The following MYLK variants were observed in gnomAD, a reference collection of about 807,000 sequenced individuals.
MYLK encodes myosin light chain kinase, smooth muscle.
In MYLK, 106 loss-of-function variants were observed where a neutral mutation model predicts 203.4. The ratio of observed to expected loss-of-function variants is 0.52; its 90% CI spans 0.45 to 0.61. The LOEUF is 0.61. MYLK is among the 20% of genes least tolerant of loss of function. The probability of loss-of-function intolerance (pLI) is 0.00; values close to 1 mark genes in which losing one functional copy is unlikely to be tolerated. For missense variants in MYLK, 2,072 were observed against 2,442.3 expected, an observed-to-expected ratio of 0.85 and a Z score of 3.20; for synonymous variants, 867 against 959.5, an observed-to-expected ratio of 0.90 and a Z score of 1.78.
At chr3:123,781,490 C>T (rs1432327799) in intron 4 of MYLK, among the ~76,000 whole-genome samples, 4 of 152,196 alleles carry the variant, frequency 2.6e-5, no homozygotes, top group Admixed American at 1.3e-4. Context: ...TCCCCAAGTG[C>T]TGACAAATGG....
chr3:123,686,701 G>A (rs1560072224), intron 19 of MYLK, among the ~76,000 whole-genome samples: 6 of 152,176 alleles, frequency 3.9e-5, no homozygotes, highest in South Asian at 2.1e-4. Flanking sequence ...AAGGAAAACC[G>A]AAATAACATC....
At chr3:123,653,985 G>GC (rs2059304410) in intron 24 of MYLK, among the ~76,000 whole-genome samples, 4 of 85,374 alleles carry the variant, frequency 4.7e-5, no homozygotes, top group African/African-American at 1.4e-4. Context: ...TCAGAGGGAT[G>GC]TTGTGTGTGT....
chr3:123,779,045 C>T (rs2064187476), intron 4 of MYLK, among the ~76,000 whole-genome samples: 1 of 152,178 alleles, frequency 6.6e-6, no homozygotes, highest in African/African-American at 2.4e-5. Flanking sequence ...AGAGCTTTGT[C>T]TCAGATAATT....
chr3:123,803,905 G>A (rs2109180239), intron 3 of MYLK, among the ~76,000 whole-genome samples: 1 of 152,356 alleles, frequency 6.6e-6, no homozygotes, highest in South Asian at 2.1e-4. Context: ...ATTGGATGAG[G>A]TCTGTCCAGA....
Position 123,626,951 on chromosome 3 carries a change from G to T in MYLK, c.5115-10C>A. 1 of 1,614,068 alleles carries T rather than the reference G, an allele frequency of 6.2e-7. No homozygotes were observed. The highest frequency in any genetic ancestry group is 8.5e-7 in the Non-Finnish European group (1 of 1,179,986). ...GCAGTCCAGGCGGTTTCTGACAGAG[G>T]CAGAGATCAGGAGATTTTTGAGCAG... is the stretch of plus-strand genomic sequence containing the variant. On this transcript the variant is annotated splice_polypyrimidine_tract_variant and intron_variant, in intron 30 of 33. Coordinates refer to ENST00000360304, the MANE Select transcript of MYLK (RefSeq NM_053025.4).
At chr3:123,632,036 T>A (rs1223462407) in intron 29 of MYLK, among the ~76,000 whole-genome samples, 3 of 151,668 alleles carry the variant, frequency 2.0e-5, no homozygotes, top group Admixed American at 1.3e-4. Context: ...CACCCAGCTA[T>A]TTTTTTTGTA....
chr3:123,855,381 T>A (rs74970066), intron 2 of MYLK, among the ~76,000 whole-genome samples: 11,717 of 152,198 alleles, frequency 0.077, 747 homozygotes, highest in East Asian at 0.36. Context: ...CTCCAGTGTA[T>A]CCCATCTATT....
At position 123,870,766 on chromosome 3, in the gene MYLK, G is replaced by A. The variant is rs1293452452; in HGVS notation, c.-127+5793C>T. Among the ~76,000 whole-genome samples the A allele has an allele frequency of 1.6e-4, 25 of 152,238 alleles. 1 individual carries two copies. The East Asian group carries it at 1.9e-3, about 12-fold the overall frequency. ...TTACATGTTATCTACAGCTCCTTCC[G>A]TGCTCCAATGGCAGAGATGAATACC... On this transcript the variant is annotated intron_variant, in intron 2 of 33. Coordinates refer to ENST00000360304, the MANE Select transcript of MYLK (RefSeq NM_053025.4).
intron 3 of MYLK, among the ~76,000 whole-genome samples, chr3:123,828,910 T>C (rs1023989045): frequency 4.6e-5 from 7 of 152,046 alleles, no homozygotes; most frequent in African/African-American, 1.7e-4. Context: ...TATCATCTTA[T>C]CCCAGTTAGA....
chr3:123,662,108 A>T (rs2059583011), intron 23 of MYLK, among the ~76,000 whole-genome samples: 1 of 152,210 alleles, frequency 6.6e-6, no homozygotes, highest in South Asian at 2.1e-4. Flanking sequence ...ACAGACATCA[A>T]CAACTCTCTG....
Position 123,700,518 on chromosome 3 carries a change from C to T in MYLK, c.2950G>A (p.Val984Met). Reference protein sequence around the residue: ...PKPATPDFRSVLGGKKKLPAE... With the variant: ...PKPATPDFRSMLGGKKKLPAE... ...GGTAATTTCTTCTTGCCACCCAGCA[C>T]TGAGCGAAAATCCGGGGTGGCAGGT... Residue 984 changes from valine (V) to methionine (M), a missense_variant, in exon 18 of 34, where the codon GTG (valine) becomes ATG (methionine). Coordinates refer to ENST00000360304, the MANE Select transcript of MYLK (RefSeq NM_053025.4). The T allele has an allele frequency of 1.2e-6, 2 of 1,613,410 alleles. No homozygotes were observed.
chr3:123,676,479 A>G (rs950446336), intron 20 of MYLK, among the ~76,000 whole-genome samples: 1 of 152,244 alleles, frequency 6.6e-6, no homozygotes, highest in East Asian at 1.9e-4. Context: ...GAAATCTTGC[A>G]TGGAAAAGGG....
intron 2 of MYLK, among the ~76,000 whole-genome samples, chr3:123,864,401 T>C (rs1455525081): frequency 6.6e-6 from 1 of 152,216 alleles, no homozygotes; most frequent in Non-Finnish European, 1.5e-5. Context: ...ATGGTATGCA[T>C]GCTTAAGTAT....
At position 123,709,910 on chromosome 3, in the gene MYLK, A is replaced by G. The variant is rs1166026823; in HGVS notation, c.1805-17T>C. On this transcript the variant is annotated splice_polypyrimidine_tract_variant and intron_variant, in intron 13 of 33. Transcript: ENST00000360304. Reference sequence around the variant, plus strand: ...TCTTCTTTTCTGTGTGGTAGAAAACAGAACGTGGGGTGAACATTCATGCAT... The same window carrying G: ...TCTTCTTTTCTGTGTGGTAGAAAACGGAACGTGGGGTGAACATTCATGCAT... 5.6e-6 allele frequency: 9 copies of G among 1,613,822 alleles called. No individual in the cohort carries two copies. The highest frequency in any genetic ancestry group is 1.3e-5 in the African/African-American group (1 of 75,062).
chr3:123,673,450 C>T (rs959981603), intron 20 of MYLK, among the ~76,000 whole-genome samples: 3 of 152,080 alleles, frequency 2.0e-5, no homozygotes, highest in Non-Finnish European at 4.4e-5. Flanking sequence ...CCCCCCACTC[C>T]CCCGCTCTCT....
At chr3:123,671,766 G>A (rs1165503644) in intron 20 of MYLK, among the ~76,000 whole-genome samples, 1 of 152,082 alleles carries the variant, frequency 6.6e-6, no homozygotes, top group East Asian at 1.9e-4. Flanking sequence ...GGGCACAGTG[G>A]AGAGAGAGAG....
At chr3:123,860,373 G>C (rs76575901) in intron 2 of MYLK, among the ~76,000 whole-genome samples, 35 of 152,230 alleles carry the variant, frequency 2.3e-4, no homozygotes, top group African/African-American at 8.2e-4. Context: ...GGGCACTGCT[G>C]TGTCTCTAGC....
At chr3:123,770,245 A>G (rs552842612) in intron 4 of MYLK, among the ~76,000 whole-genome samples, 24 of 152,202 alleles carry the variant, frequency 1.6e-4, no homozygotes, top group African/African-American at 5.8e-4. Flanking sequence ...AATCACTTGA[A>G]CCTCAGAGGC....
intron 4 of MYLK, among the ~76,000 whole-genome samples, chr3:123,758,614 G>A (rs1288232938): frequency 6.6e-6 from 1 of 152,124 alleles, no homozygotes; most frequent in African/African-American, 2.4e-5. Flanking sequence ...CTGAGGACTT[G>A]TTTCTGTCAC....
Sources: allele counts gnomAD v4.1 joint callset (sites outside exome capture counted in the v4.1 genomes callset), GRCh38; gene constraint gnomAD v4.1.1; transcripts MANE v1.5; gene names NCBI Gene and HGNC (gene_info 2026-07-23, HGNC 2026-07-21).